Variants in DPYD observed in about 807,000 individuals in gnomAD.
The protein encoded by DPYD is dihydropyrimidine dehydrogenase, also known as dihydropyrimidine dehydrogenase [NADP(+)].
A neutral mutation model predicts 116.2 loss-of-function variants in DPYD; 109 were observed. The observed-to-expected ratio is 0.94, with a 90% CI of 0.80 to 1.10. The LOEUF (loss-of-function observed/expected upper bound fraction) is 1.10, where lower values mean the gene tolerates loss of function less well. Among genes scored for constraint, DPYD ranks in the 50% least tolerant of loss-of-function variants. The probability of loss-of-function intolerance (pLI) is 0.00; values close to 1 mark genes in which losing one functional copy is unlikely to be tolerated. For missense variants in DPYD, 1,302 were observed against 1,254.5 expected, an observed-to-expected ratio of 1.04 and a Z score of -0.57; for synonymous variants, 440 against 432.0, an observed-to-expected ratio of 1.02 and a Z score of -0.23.
At chr1:97,728,626 C>A (rs1663400882) in intron 4 of DPYD, among the ~76,000 whole-genome samples, 1 of 151,938 alleles carries the variant, frequency 6.6e-6, no homozygotes, top group Non-Finnish European at 1.5e-5. Flanking sequence ...AGCACCCTTC[C>A]AAGATAAACT....
intron 8 of DPYD, among the ~76,000 whole-genome samples, chr1:97,666,089 A>G (rs1289494111): frequency 6.6e-6 from 1 of 152,226 alleles, no homozygotes; most frequent in Non-Finnish European, 1.5e-5. Flanking sequence ...ATTCATTAAT[A>G]GTGTTTAAGA....
intron 2 of DPYD, among the ~76,000 whole-genome samples, chr1:97,838,832 A>G (rs945518325): frequency 3.3e-5 from 5 of 151,978 alleles, no homozygotes; most frequent in Non-Finnish European, 7.4e-5. Context: ...GGCCTGGGCG[A>G]CAGAGCGAGA....
chr1:97,478,273 G>A (rs373178700), intron 13 of DPYD, among the ~76,000 whole-genome samples: 12 of 152,032 alleles, frequency 7.9e-5, no homozygotes, highest in East Asian at 1.9e-4. Context: ...TAGATTTAGC[G>A]TAATTCTTTT....
chr1:97,396,912 G>T (rs1673039398), intron 14 of DPYD, among the ~76,000 whole-genome samples: 1 of 149,310 alleles, frequency 6.7e-6, no homozygotes, highest in South Asian at 2.3e-4. Flanking sequence ...TAATATTCAA[G>T]TGTGCTACAC....
chr1:97,436,715 A>C (rs1675492150), intron 14 of DPYD, among the ~76,000 whole-genome samples: 1 of 152,082 alleles, frequency 6.6e-6, no homozygotes, highest in Non-Finnish European at 1.5e-5. Context: ...CCAAAGCTTA[A>C]CAATCCAACC....
intron 3 of DPYD, among the ~76,000 whole-genome samples, chr1:97,813,861 A>C (rs1668443141): frequency 6.6e-6 from 1 of 151,846 alleles, no homozygotes; most frequent in East Asian, 1.9e-4. Context: ...TAATATGTGC[A>C]TAAAGTGTAC....
At chr1:97,529,889 T>C (rs1431389764) in intron 12 of DPYD, among the ~76,000 whole-genome samples, 2 of 150,732 alleles carry the variant, frequency 1.3e-5, no homozygotes, top group East Asian at 3.9e-4. Flanking sequence ...TTTCCTTCTT[T>C]CTCCTTCCTC....
intron 18 of DPYD, among the ~76,000 whole-genome samples, chr1:97,276,539 C>T (rs889635802): frequency 1.3e-5 from 2 of 151,654 alleles, no homozygotes; most frequent in African/African-American, 4.8e-5. Context: ...AAGTGGGCAA[C>T]AATGAAAAAA....
intron 10 of DPYD, among the ~76,000 whole-genome samples, chr1:97,581,501 G>A (rs1025503252): frequency 8.6e-5 from 13 of 151,908 alleles, no homozygotes; most frequent in Non-Finnish European, 1.8e-4. Context: ...CAGTGCTTTG[G>A]AAGGTTGAGG....
intron 2 of DPYD, among the ~76,000 whole-genome samples, chr1:97,873,779 A>G (rs1424021371): frequency 1.3e-5 from 2 of 151,978 alleles, no homozygotes; most frequent in East Asian, 3.9e-4. Context: ...AGTGTTTAAC[A>G]CACACTAAGA....
chr1:97,633,426 A>T (rs1309378789), intron 8 of DPYD, among the ~76,000 whole-genome samples: 1 of 152,124 alleles, frequency 6.6e-6, no homozygotes, highest in Non-Finnish European at 1.5e-5. Context: ...TGTTGCCAAC[A>T]CACTGACTGC....
intron 3 of DPYD, among the ~76,000 whole-genome samples, chr1:97,763,133 C>T (rs1419794355): frequency 6.6e-6 from 1 of 152,018 alleles, no homozygotes; most frequent in Non-Finnish European, 1.5e-5. Context: ...CTCCATTGTG[C>T]CTTACTTTTC....
chr1:97,666,036 C>T (rs572697403), intron 8 of DPYD, among the ~76,000 whole-genome samples: 41 of 152,226 alleles, frequency 2.7e-4, no homozygotes, highest in Non-Finnish European at 2.5e-4. Flanking sequence ...TGTATATTTT[C>T]TTTTTTCTTA....
In DPYD at chr1:97,362,404, T is replaced by A. The variant is rs1670783750; in HGVS notation, c.2058+11157A>T. 9.9e-5 allele frequency among the ~76,000 whole-genome samples: 15 copies of A among 152,158 alleles called. No individual in the cohort carries two copies. The South Asian group carries it at 2.9e-3, about 29-fold the overall frequency. ...AAGGTAATTCATAGAATCAATGCCA[T>A]CCCCATCAAGCTATCAATGACTTTC... On this transcript the variant is annotated intron_variant, in intron 16 of 22. Transcript: ENST00000370192.
intron 18 of DPYD, among the ~76,000 whole-genome samples, chr1:97,304,606 T>C (rs1667051005): frequency 6.6e-6 from 1 of 151,978 alleles, no homozygotes; most frequent in South Asian, 2.1e-4. Flanking sequence ...AGGAGACTAA[T>C]CCCAAACCAG....
intron 2 of DPYD, among the ~76,000 whole-genome samples, chr1:97,866,552 G>A (rs1033911549): frequency 1.3e-5 from 2 of 151,864 alleles, no homozygotes; most frequent in African/African-American, 4.8e-5. Flanking sequence ...TGAAGTTACA[G>A]TTGTGAACAA....
At chr1:97,825,167 C>A (rs1669173150) in intron 3 of DPYD, among the ~76,000 whole-genome samples, 1 of 152,054 alleles carries the variant, frequency 6.6e-6, no homozygotes, top group African/African-American at 2.4e-5. Flanking sequence ...AGGGCATCCT[C>A]AAGACTGGGA....
intron 19 of DPYD, among the ~76,000 whole-genome samples, chr1:97,229,546 GTATA>G (rs55638142): frequency 0.017 from 1,001 of 57,824 alleles, 5 homozygotes; most frequent in African/African-American, 0.036. Flanking sequence ...ACCATCCTAA[GTATA>G]TATATATATA....
intron 19 of DPYD, among the ~76,000 whole-genome samples, chr1:97,232,606 T>C (rs916203292): frequency 6.6e-6 from 1 of 152,116 alleles, no homozygotes; most frequent in Non-Finnish European, 1.5e-5. Context: ...TTTCTCTCTG[T>C]TTTTCATATT....
Sources: allele counts gnomAD v4.1 joint callset (sites outside exome capture counted in the v4.1 genomes callset), GRCh38; gene constraint gnomAD v4.1.1; transcripts MANE v1.5; gene names NCBI Gene and HGNC (gene_info 2026-07-23, HGNC 2026-07-21).